Variants in MALRD1 observed in about 807,000 individuals in gnomAD.
The protein encoded by MALRD1 is MAM and LDL-receptor class A domain-containing protein 1.
Under a neutral mutation model 242.1 loss-of-function variants are expected in MALRD1, and 247 were observed. The ratio of observed to expected loss-of-function variants is 1.02; its 90% CI spans 0.92 to 1.13. MALRD1 has a LOEUF of 1.13. Ranked by LOEUF, MALRD1 falls within the 50% of genes most tolerant of loss-of-function variation. The pLI, the probability that MALRD1 is intolerant of heterozygous loss-of-function variation, is 0.00. For synonymous variants in MALRD1, 995 were observed against 866.6 expected, an observed-to-expected ratio of 1.15 and a Z score of -2.60; for missense variants, 2,989 against 2,533.1, an observed-to-expected ratio of 1.18 and a Z score of -3.86.
At chr10:19,097,340 C>CG (rs1588538173) in intron 4 of MALRD1, among the ~76,000 whole-genome samples, 1 of 151,982 alleles carries the variant, frequency 6.6e-6, no homozygotes, top group East Asian at 1.9e-4. Context: ...GAATACATAG[C>CG]GGAAAAAAAA....
chr10:19,445,135 G>C (rs1041768065), intron 28 of MALRD1, among the ~76,000 whole-genome samples: 1 of 152,084 alleles, frequency 6.6e-6, no homozygotes, highest in Admixed American at 6.6e-5. Context: ...CATAGCTCTC[G>C]TGCCATGATT....
At chr10:19,514,794 A>G (rs1186407513) in intron 31 of MALRD1, among the ~76,000 whole-genome samples, 1 of 152,164 alleles carries the variant, frequency 6.6e-6, no homozygotes, top group East Asian at 1.9e-4. Context: ...TCAATTATCT[A>G]AAAGGAAAGC....
At chr10:19,641,689 C>A (rs893804424) in intron 36 of MALRD1, among the ~76,000 whole-genome samples, 4 of 152,136 alleles carry the variant, frequency 2.6e-5, no homozygotes, top group African/African-American at 9.7e-5. Flanking sequence ...GGCTATGTTT[C>A]TCAATTTATA....
chr10:19,234,498 A>G (rs1353681823), intron 18 of MALRD1, among the ~76,000 whole-genome samples: 2 of 152,160 alleles, frequency 1.3e-5, no homozygotes, highest in Non-Finnish European at 2.9e-5. Context: ...TCTTTTCAGT[A>G]TCAATAAAAA....
chr10:19,056,965 G>A (rs1198064519), intron 1 of MALRD1, among the ~76,000 whole-genome samples: 2 of 152,130 alleles, frequency 1.3e-5, no homozygotes, highest in East Asian at 1.9e-4. Context: ...TTAATGTGGT[G>A]TATCACATTA....
rs1554796560 is a variant in MALRD1 at position 19,140,571 on chromosome 10, GTA to G, written c.1411+3793_1411+3794del. Reference sequence around the variant, plus strand: ...TGTGTGTGTGTGTGTGTGTGTGTGTGTATAAAATGTATATGTGTTCACAATGG... The same window carrying G: ...TGTGTGTGTGTGTGTGTGTGTGTGTGTAAAATGTATATGTGTTCACAATGG... On this transcript the variant is annotated intron_variant, in intron 10 of 39. Transcript: ENST00000454679. Among the ~76,000 whole-genome samples, 4 of 140,534 alleles carry G rather than the reference GTA, an allele frequency of 2.8e-5. No individual in the cohort carries two copies. The East Asian group carries it at 8.8e-4, about 31-fold the overall frequency. The allele number at this position is 140,534 out of a possible 152,430, so 92.2% of individuals were successfully genotyped here. A position where few individuals can be genotyped will look rare whatever the true frequency, so the allele number is the denominator to read the frequency against.
chr10:19,442,561 C>G (rs138500422), intron 28 of MALRD1, among the ~76,000 whole-genome samples: 24,687 of 152,032 alleles, frequency 0.16, 2,356 homozygotes, highest in Non-Finnish European at 0.23. Context: ...GCCTTTTTTG[C>G]ATCTATTGAG....
intron 5 of MALRD1, among the ~76,000 whole-genome samples, chr10:19,118,172 C>A (rs986717478): frequency 6.6e-6 from 1 of 151,982 alleles, no homozygotes; most frequent in African/African-American, 2.4e-5. Context: ...AGAAAAATAG[C>A]CAAACAGTAG....
intron 36 of MALRD1, among the ~76,000 whole-genome samples, chr10:19,653,319 C>T (rs931086180): frequency 3.0e-4 from 45 of 152,184 alleles, no homozygotes; most frequent in African/African-American, 1.0e-3. Flanking sequence ...ACCTTAGCCT[C>T]CTGAGTAGCT....
rs1834668015 is a variant in MALRD1, at chr10:19,165,902, C to T, written c.1830+92C>T. 4.2e-6 allele frequency: 4 copies of T among 944,070 alleles called. No homozygotes were observed. In the South Asian group the frequency reaches 1.6e-4, roughly 39 times the overall value. 58.5% of individuals were successfully genotyped at this position (944,070 alleles called of 1,614,324 possible). On this transcript the variant is annotated intron_variant, in intron 13 of 39. Transcript: ENST00000454679. The stretch of plus-strand genomic sequence containing the variant: ...ACAATATAACACACATAGCTCATAC[C>T]TTTTCAGGTGAGCACATATGAAATT...
At chr10:19,713,380 G>C (rs1211630178) in intron 38 of MALRD1, among the ~76,000 whole-genome samples, 1 of 152,286 alleles carries the variant, frequency 6.6e-6, no homozygotes, top group African/African-American at 2.4e-5. Flanking sequence ...CTCTGTGGTA[G>C]GGGATAAGGC....
chr10:19,732,529 C>T (rs186266948), intron 39 of MALRD1, among the ~76,000 whole-genome samples: 1 of 152,322 alleles, frequency 6.6e-6, no homozygotes, highest in Non-Finnish European at 1.5e-5. Context: ...TCCCAAAGTG[C>T]TGGCATTACA....
rs148738705 is a variant in MALRD1, at chr10:19,496,797, G to C, written c.5159-1688G>C. Among the ~76,000 whole-genome samples, 99 of 152,260 alleles carry C rather than the reference G, an allele frequency of 6.5e-4. 2 individuals carry two copies. In the East Asian group the frequency reaches 0.018, roughly 28 times the overall value. ...ATAGGGTCAGCCTGGCTGTGTGGCT[G>C]CAAATTAGAAGAAAGGAATTAGAAG... On this transcript the variant is annotated intron_variant, in intron 30 of 39. Coordinates refer to ENST00000454679, the MANE Select transcript of MALRD1 (RefSeq NM_001142308.3).
intron 36 of MALRD1, among the ~76,000 whole-genome samples, chr10:19,671,841 G>C (rs1308654907): frequency 6.6e-6 from 1 of 152,096 alleles, no homozygotes; most frequent in African/African-American, 2.4e-5. Context: ...TTGGTACCAG[G>C]ATTTATTGTG....
At chr10:19,454,405 G>GATATATATATATATAT (rs141643131) in intron 29 of MALRD1, among the ~76,000 whole-genome samples, 1,645 of 80,010 alleles carry the variant, frequency 0.021, 61 homozygotes, top group Non-Finnish European at 0.024. Flanking sequence ...TTATGCATAT[G>GATATATATATATATAT]ATATATATAT....
intron 33 of MALRD1, among the ~76,000 whole-genome samples, chr10:19,581,718 C>G (rs533455784): frequency 3.3e-5 from 5 of 150,224 alleles, no homozygotes; most frequent in Non-Finnish European, 7.4e-5. Context: ...GATTTATAGT[C>G]CTTTGGGTAT....
intron 19 of MALRD1, among the ~76,000 whole-genome samples, chr10:19,268,021 T>A (rs1191650521): frequency 6.6e-6 from 1 of 152,154 alleles, no homozygotes; most frequent in Non-Finnish European, 1.5e-5. Context: ...GTTAAAACTT[T>A]TACATTGTTT....
At chr10:19,079,703 G>A (rs1835423557) in intron 2 of MALRD1, among the ~76,000 whole-genome samples, 1 of 151,776 alleles carries the variant, frequency 6.6e-6, no homozygotes, top group Non-Finnish European at 1.5e-5. Context: ...ATTCTTGATT[G>A]GTTGACCCAT....
At chr10:19,113,207 A>T (rs1251273992) in intron 5 of MALRD1, among the ~76,000 whole-genome samples, 1 of 152,098 alleles carries the variant, frequency 6.6e-6, no homozygotes, top group African/African-American at 2.4e-5. Context: ...TAAATCCATC[A>T]ATAAGTCTTA....
Sources: allele counts gnomAD v4.1 joint callset (sites outside exome capture counted in the v4.1 genomes callset), GRCh38; gene constraint gnomAD v4.1.1; transcripts MANE v1.5; gene names NCBI Gene and HGNC (gene_info 2026-07-23, HGNC 2026-07-21).